The following ST18 variants were observed in gnomAD, a reference collection of about 807,000 sequenced individuals.
ST18 encodes the protein ST18 C2H2C-type zinc finger transcription factor.
Under a neutral mutation model 110.0 loss-of-function variants are expected in ST18, and 50 were observed. The observed-to-expected ratio is 0.45, with a 90% confidence interval of 0.36 to 0.58. The LOEUF is 0.58. Ranked by LOEUF, ST18 falls within the 20% of genes least tolerant of loss-of-function variation. ST18 has a pLI of 0.00. For missense variants in ST18, 1,306 were observed against 1,280.1 expected (o/e 1.02, Z -0.31); for synonymous variants, 461 against 452.4 (o/e 1.02, Z -0.24).
At chr8:52,192,621 T>TA (rs1304672970) in intron 8 of ST18, among the ~76,000 whole-genome samples, 6 of 152,226 alleles carry the variant, frequency 3.9e-5, no homozygotes, top group Admixed American at 2.0e-4. Flanking sequence ...TCATGCCAAA[T>TA]AAAAAATCAT....
At chr8:52,163,427 T>G (rs191975566) in intron 13 of ST18, among the ~76,000 whole-genome samples, 1 of 152,318 alleles carries the variant, frequency 6.6e-6, no homozygotes, top group East Asian at 1.9e-4. Flanking sequence ...ACTTTAGTAT[T>G]TAGATATAAA....
At chr8:52,189,888 G>C (rs1359750597) in intron 8 of ST18, among the ~76,000 whole-genome samples, 1 of 152,164 alleles carries the variant, frequency 6.6e-6, no homozygotes, top group Non-Finnish European at 1.5e-5. Flanking sequence ...GATACATATT[G>C]GCTTCTTGGC....
intron 2 of ST18, among the ~76,000 whole-genome samples, chr8:52,395,043 TG>T (rs36074985): frequency 1.3e-5 from 2 of 152,168 alleles, no homozygotes; most frequent in African/African-American, 4.8e-5. Context: ...ACGTCAGTCA[TG>T]GGGGAGGTCT....
intron 8 of ST18, among the ~76,000 whole-genome samples, chr8:52,207,059 A>T (rs936700731): frequency 1.3e-5 from 2 of 152,238 alleles, no homozygotes; most frequent in Non-Finnish European, 2.9e-5. Flanking sequence ...TTCTAAAAAA[A>T]TTCCAAAATA....
At chr8:52,386,003 C>T (rs968055269) in intron 2 of ST18, among the ~76,000 whole-genome samples, 4 of 152,132 alleles carry the variant, frequency 2.6e-5, no homozygotes, top group African/African-American at 4.8e-5. Context: ...ACCCTCTGAC[C>T]CCAGTCATTC....
intron 2 of ST18, chr8:52,248,348 C>T (rs964010672): frequency 3.9e-5 from 6 of 152,102 alleles, no homozygotes; most frequent in Non-Finnish European, 7.4e-5. Context: ...ATATTATGAA[C>T]ACATCTATTT....
intron 3 of ST18, among the ~76,000 whole-genome samples, chr8:52,223,812 C>T (rs1376409821): frequency 6.6e-6 from 1 of 152,058 alleles, no homozygotes; most frequent in Admixed American, 6.6e-5. Flanking sequence ...AGGTCATCAC[C>T]ATCACCAATT....
intron 2 of ST18, among the ~76,000 whole-genome samples, chr8:52,261,969 T>TA (rs1474772633): frequency 1.3e-5 from 2 of 152,204 alleles, no homozygotes; most frequent in Non-Finnish European, 2.9e-5. Flanking sequence ...TTTCTGTTGC[T>TA]ATAAGAGAAC....
At chr8:52,332,521 C>G (rs1169739607) in intron 2 of ST18, among the ~76,000 whole-genome samples, 1 of 127,836 alleles carries the variant, frequency 7.8e-6, no homozygotes, top group Non-Finnish European at 1.6e-5. Context: ...CCAAGAGCAT[C>G]TAATGTAGCT....
At chr8:52,138,650 G>C (rs1178171407) in intron 17 of ST18, among the ~76,000 whole-genome samples, 1 of 152,154 alleles carries the variant, frequency 6.6e-6, no homozygotes, top group Non-Finnish European at 1.5e-5. Context: ...ACAATTAATA[G>C]ATTCCTTGGT....
intron 22 of ST18, among the ~76,000 whole-genome samples, chr8:52,127,823 AAAG>A (rs2131300543): frequency 6.6e-6 from 1 of 152,262 alleles, no homozygotes; most frequent in East Asian, 1.9e-4. Context: ...AAAAAAAAAA[AAAG>A]GGCAGGAAAA....
intron 2 of ST18, among the ~76,000 whole-genome samples, chr8:52,326,291 T>A (rs1488341931): frequency 1.3e-5 from 2 of 151,448 alleles, no homozygotes; most frequent in Non-Finnish European, 2.9e-5. Flanking sequence ...ACAGAGGGAG[T>A]TCACAAGAAC....
chr8:52,361,368 T>C (rs1224994164), intron 2 of ST18, among the ~76,000 whole-genome samples: 2 of 152,100 alleles, frequency 1.3e-5, no homozygotes, highest in Non-Finnish European at 2.9e-5. Flanking sequence ...TTGAGGGGGA[T>C]GGGAAAGTAT....
intron 2 of ST18, among the ~76,000 whole-genome samples, chr8:52,240,163 G>T (rs561946220): frequency 6.6e-6 from 1 of 152,096 alleles, no homozygotes; most frequent in South Asian, 2.1e-4. Context: ...GAGAAAAATT[G>T]CTAGCTTTTC....
intron 8 of ST18, among the ~76,000 whole-genome samples, chr8:52,188,627 A>C (rs2073302866): frequency 1.3e-5 from 2 of 152,340 alleles, no homozygotes; most frequent in Admixed American, 6.5e-5. Flanking sequence ...TCTGGCTTCC[A>C]TGTTAAGAAC....
intron 17 of ST18, among the ~76,000 whole-genome samples, chr8:52,138,580 T>C (rs934747425): frequency 1.3e-5 from 2 of 152,206 alleles, no homozygotes; most frequent in African/African-American, 4.8e-5. Context: ...TGAGACCCCA[T>C]CTCTAAAATA....
intron 3 of ST18, among the ~76,000 whole-genome samples, chr8:52,223,556 A>C (rs933080903): frequency 3.9e-5 from 6 of 152,026 alleles, no homozygotes; most frequent in African/African-American, 1.4e-4. Context: ...AGGCACAAGA[A>C]TCACTTGAGC....
intron 8 of ST18, among the ~76,000 whole-genome samples, chr8:52,187,468 C>T (rs1274760284): frequency 6.6e-6 from 1 of 152,216 alleles, no homozygotes; most frequent in Non-Finnish European, 1.5e-5. Flanking sequence ...ATTTAATGAG[C>T]AGACTTGCTC....
chr8:52,214,204 C>G lies in ST18; in HGVS notation c.54G>C (p.Glu18Asp), dbSNP rs374865783. ...KTLRTRSKGT[E>D]VPMDSLIQEL... Reference sequence around the variant, plus strand: ...CATAGAACCTGCTTGCTAACTCACCCTCGGTTCCTTTAGAGCGAGTACGCA... The same window carrying G: ...CATAGAACCTGCTTGCTAACTCACCGTCGGTTCCTTTAGAGCGAGTACGCA... Residue 18 changes from glutamate to aspartate, a missense_variant and splice_region_variant, in exon 7 of 26, where the codon GAG becomes GAC. By Grantham distance (45) the Glu-to-Asp change is conservative. Transcript: ENST00000689386. 6.8e-5 allele frequency: 110 copies of G among 1,613,986 alleles called. No individual in the cohort carries two copies. The highest frequency in any genetic ancestry group is 9.0e-5 in the Non-Finnish European group (106 of 1,179,984).
Sources: allele counts gnomAD v4.1 joint callset (sites outside exome capture counted in the v4.1 genomes callset), GRCh38; gene constraint gnomAD v4.1.1; transcripts MANE v1.5; gene names NCBI Gene and HGNC (gene_info 2026-07-23, HGNC 2026-07-21).